Variants in RASSF3 observed in about 807,000 individuals in gnomAD.
RASSF3 encodes the protein Ras association domain family member 3, also known as ras association domain-containing protein 3.
Under a neutral mutation model 19.9 loss-of-function variants are expected in RASSF3, and 19 were observed. The observed-to-expected ratio is 0.96, with a 90% CI of 0.67 to 1.40. RASSF3 has a LOEUF of 1.40. Among genes scored for constraint, RASSF3 ranks in the 40% most tolerant of loss-of-function variants. The pLI, the probability that RASSF3 is intolerant of heterozygous loss-of-function variation, is 0.00. For synonymous variants in RASSF3, 110 were observed against 104.2 expected (o/e 1.06, Z -0.34); for missense variants, 306 against 289.8 (o/e 1.06, Z -0.41).
At chr12:64,568,025 T>C (rs187305859) in intron 2 of RASSF3, among the ~76,000 whole-genome samples, 22 of 152,248 alleles carry the variant, frequency 1.4e-4, no homozygotes, top group Non-Finnish European at 2.8e-4. Flanking sequence ...TGTTTGGTTT[T>C]TATTTGTTTG....
At chr12:64,625,819 A>C (rs1222381166) in intron 1 of RASSF3, among the ~76,000 whole-genome samples, 3 of 152,156 alleles carry the variant, frequency 2.0e-5, no homozygotes, top group Non-Finnish European at 4.4e-5. Flanking sequence ...TTCCACATTT[A>C]GGAAATAGGC....
chr12:64,694,403 A>G lies in RASSF3; in HGVS notation c.568-360A>G, dbSNP rs115824427. Among the ~76,000 whole-genome samples the G allele has an allele frequency of 2.7e-3, 416 of 152,332 alleles. 1 individual carries two copies. Among genetic ancestry groups the G allele is most frequent in the African/African-American group, 9.5e-3 (396 of 41,582 alleles). ...ATGCGAGGTAAGAAAGTCAGTTACAATGAGGACTCGAGGTTAAGATGAAAG... is the reference window on the plus strand; with the variant it reads ...ATGCGAGGTAAGAAAGTCAGTTACAGTGAGGACTCGAGGTTAAGATGAAAG... On this transcript the variant is annotated intron_variant, in intron 4 of 4. Transcript: ENST00000542104.
At chr12:64,579,328 A>G (rs980342708) in intron 2 of RASSF3, among the ~76,000 whole-genome samples, 2 of 147,512 alleles carry the variant, frequency 1.4e-5, no homozygotes, top group African/African-American at 5.0e-5. Context: ...GAAGGGAATT[A>G]TTAGCAATAG....
chr12:64,657,851 G>A (rs1872214316), intron 1 of RASSF3, among the ~76,000 whole-genome samples: 1 of 152,198 alleles, frequency 6.6e-6, no homozygotes, highest in Non-Finnish European at 1.5e-5. Context: ...GGAGGCTGAG[G>A]CAGGAGGATC....
intron 1 of RASSF3, among the ~76,000 whole-genome samples, chr12:64,615,187 C>G (rs1870509456): frequency 6.6e-6 from 1 of 152,166 alleles, no homozygotes; most frequent in African/African-American, 2.4e-5. Flanking sequence ...CCACCAAAAT[C>G]AAACTACCTG....
In RASSF3 at chr12:64,696,090, C is replaced by CCTCT; in HGVS notation, c.*1181_*1182insTCTC. The CCTCT allele has an allele frequency of 3.0e-5, 1 of 32,950 alleles. No individual in the cohort carries two copies. The highest frequency in any genetic ancestry group is 1.1e-4 in the African/African-American group (1 of 9,348). 2.0% of individuals were successfully genotyped at this position (32,950 alleles called of 1,614,324 possible). On this transcript the variant is annotated 3_prime_UTR_variant, in exon 5 of 5. Transcript: ENST00000542104. The stretch of plus-strand genomic sequence containing the variant: ...CCCACCCTACCTTGTTCTTTTCCTC[C>CCTCT]CTCCCTCCCTCCCTCCCTCCCTCCC...
At chr12:64,596,075 G>T (rs954700259) in intron 2 of RASSF3, among the ~76,000 whole-genome samples, 4 of 152,204 alleles carry the variant, frequency 2.6e-5, no homozygotes, top group African/African-American at 9.7e-5. Flanking sequence ...GCTCAGAGAG[G>T]CCAGGAAGAA....
At chr12:64,533,272 G>A (rs1025210915) in exon 1 of RASSF3, 1 of 152,254 alleles carries the variant, frequency 6.6e-6, no homozygotes, top group African/African-American at 2.4e-5. Flanking sequence ...TCGAAGATGG[G>A]AACTGCGATT....
chr12:64,607,914 T>C (rs1053389409), upstream of RASSF3, among the ~76,000 whole-genome samples: 1 of 151,992 alleles, frequency 6.6e-6, no homozygotes, highest in African/African-American at 2.4e-5. Flanking sequence ...TGACACCACA[T>C]TGGCTAATTT....
intron 1 of RASSF3, among the ~76,000 whole-genome samples, chr12:64,516,083 T>G (rs1358887068): frequency 1.3e-5 from 2 of 152,224 alleles, no homozygotes; most frequent in Non-Finnish European, 2.9e-5. Context: ...ATAATAAAAT[T>G]CACCATATAT....
At chr12:64,521,337 G>T (rs1868475095) in intron 1 of RASSF3, among the ~76,000 whole-genome samples, 1 of 152,202 alleles carries the variant, frequency 6.6e-6, no homozygotes, top group African/African-American at 2.4e-5. Flanking sequence ...GAGGCCCAAA[G>T]TTCCTCTTGT....
chr12:64,533,665 G>A (rs777215919), intron 1 of RASSF3: 1 of 152,188 alleles, frequency 6.6e-6, no homozygotes, highest in Non-Finnish European at 1.5e-5. Flanking sequence ...TGTAACAGAT[G>A]TAACATTAAC....
intron 1 of RASSF3, among the ~76,000 whole-genome samples, chr12:64,641,414 A>ACACACACACACACACACGCGCGCGCG: frequency 6.8e-4 from 97 of 142,184 alleles, no homozygotes; most frequent in African/African-American, 2.6e-3. Flanking sequence ...ACACACACAC[A>ACACACACACACACACACGCGCGCGCG]CGCGCGCGCG....
At chr12:64,586,491 G>GAAAAAAAAAAAAAAAAAAAAAAA in intron 2 of RASSF3, among the ~76,000 whole-genome samples, 1 of 70,148 alleles carries the variant, frequency 1.4e-5, no homozygotes, top group Non-Finnish European at 2.4e-5. Flanking sequence ...CTCCTTCTCA[G>GAAAAAAAAAAAAAAAAAAAAAAA]AAAAAAAAAA....
intron 1 of RASSF3, among the ~76,000 whole-genome samples, chr12:64,670,170 G>A (rs914756028): frequency 6.6e-6 from 1 of 152,110 alleles, no homozygotes; most frequent in African/African-American, 2.4e-5. Flanking sequence ...CTGCATTAAG[G>A]AGGACGGACA....
At chr12:64,626,245 C>T (rs1870986882) in intron 1 of RASSF3, among the ~76,000 whole-genome samples, 2 of 151,958 alleles carry the variant, frequency 1.3e-5, no homozygotes, top group Non-Finnish European at 2.9e-5. Flanking sequence ...TAAAGATTAA[C>T]TTATTTCTGC....
At chr12:64,681,935 G>C (rs1343260591) in intron 1 of RASSF3, among the ~76,000 whole-genome samples, 1 of 152,180 alleles carries the variant, frequency 6.6e-6, no homozygotes, top group Non-Finnish European at 1.5e-5. Context: ...AACTCAGGAA[G>C]TCAAGGCTGC....
intron 1 of RASSF3, among the ~76,000 whole-genome samples, chr12:64,624,172 C>G (rs1870900961): frequency 6.6e-6 from 1 of 151,906 alleles, no homozygotes; most frequent in South Asian, 2.1e-4. Context: ...GCAAACCTAG[C>G]ACCGATATCA....
At chr12:64,617,481 C>T (rs1870591348) in intron 1 of RASSF3, among the ~76,000 whole-genome samples, 1 of 152,134 alleles carries the variant, frequency 6.6e-6, no homozygotes, top group Non-Finnish European at 1.5e-5. Context: ...GAGCTTGCTC[C>T]TTTAGTGTAT....
Sources: allele counts gnomAD v4.1 joint callset (sites outside exome capture counted in the v4.1 genomes callset), GRCh38; gene constraint gnomAD v4.1.1; transcripts MANE v1.5; gene names NCBI Gene and HGNC (gene_info 2026-07-23, HGNC 2026-07-21).